MACROD2: variants seen among roughly 807,000 people sequenced by gnomAD.
The protein encoded by MACROD2 is ADP-ribose glycohydrolase MACROD2.
A neutral mutation model predicts 70.4 loss-of-function variants in MACROD2; 36 were observed. The observed-to-expected ratio is 0.51, with a 90% CI of 0.39 to 0.68. The LOEUF is 0.68. Ranked by LOEUF, MACROD2 falls within the 30% of genes least tolerant of loss-of-function variation. The pLI, the probability that MACROD2 is intolerant of heterozygous loss-of-function variation, is 0.00. For synonymous variants in MACROD2, 172 were observed against 178.8 expected, an observed-to-expected ratio of 0.96 and a Z score of 0.30; for missense variants, 496 against 538.4, an observed-to-expected ratio of 0.92 and a Z score of 0.78.
At chr20:15,019,176 C>T (rs894579769) in intron 5 of MACROD2, among the ~76,000 whole-genome samples, 3 of 152,014 alleles carry the variant, frequency 2.0e-5, no homozygotes, top group Admixed American at 6.5e-5. Flanking sequence ...CGCGCGCGCG[C>T]GCGGAGAGAG....
intron 5 of MACROD2, among the ~76,000 whole-genome samples, chr20:14,994,702 T>G (rs748864859): frequency 6.6e-6 from 1 of 152,234 alleles, no homozygotes; most frequent in Non-Finnish European, 1.5e-5. Flanking sequence ...CTCTCACTGA[T>G]CTATGTACTA....
chr20:15,264,927 G>C (rs757811040), intron 6 of MACROD2, among the ~76,000 whole-genome samples: 4 of 152,120 alleles, frequency 2.6e-5, no homozygotes, highest in African/African-American at 4.8e-5. Flanking sequence ...AGAGACCTTA[G>C]ATCTGAGGCT....
chr20:15,031,645 A>C (rs961558375), intron 5 of MACROD2, among the ~76,000 whole-genome samples: 3 of 152,094 alleles, frequency 2.0e-5, no homozygotes, highest in Non-Finnish European at 4.4e-5. Flanking sequence ...TGGATAGTTG[A>C]TTCCCGCAGC....
chr20:14,696,899 T>C (rs1434838144), intron 5 of MACROD2, among the ~76,000 whole-genome samples: 5 of 152,198 alleles, frequency 3.3e-5, no homozygotes, highest in Non-Finnish European at 5.9e-5. Flanking sequence ...GAGTTTGTTC[T>C]TGCTTTTATG....
intron 6 of MACROD2, among the ~76,000 whole-genome samples, chr20:15,417,598 C>CAAAAAAAAAAAAAAAAAAAAAAAA (rs71340225): frequency 1.4e-5 from 1 of 69,340 alleles, no homozygotes; most frequent in African/African-American, 5.1e-5. Flanking sequence ...AACCCTGTCT[C>CAAAAAAAAAAAAAAAAAAAAAAAA]AAAAAAAAAA....
intron 6 of MACROD2, among the ~76,000 whole-genome samples, chr20:15,430,666 G>C (rs1252463088): frequency 6.6e-6 from 1 of 151,758 alleles, no homozygotes; most frequent in Admixed American, 6.6e-5. Context: ...GTACTGTGCT[G>C]GTAAATGTTT....
rs140433008 is a variant in MACROD2 at position 14,326,868 on chromosome 20, A to G, written c.272-166611A>G. 11 of 1,613,750 alleles carry G rather than the reference A, an allele frequency of 6.8e-6. No homozygotes were observed. The African/African-American group carries it at 1.2e-4, about 18-fold the overall frequency. On this transcript the variant is annotated intron_variant, in intron 3 of 17. Transcript: ENST00000684519. The surrounding 1 kb of genome is among the most constrained non-coding windows in gnomAD (Gnocchi z 5.5). The stretch of plus-strand genomic sequence containing the variant: ...AGAAAACTTTGTCACCTAAACCATG[A>G]TTGTTCAACAGGTTTCCATCTAGAA...
chr20:14,693,689 G>A (rs750484591), intron 5 of MACROD2, among the ~76,000 whole-genome samples: 1 of 152,140 alleles, frequency 6.6e-6, no homozygotes, highest in Non-Finnish European at 1.5e-5. Context: ...TAGAATGTAA[G>A]ATTGATTCTG....
intron 3 of MACROD2, among the ~76,000 whole-genome samples, chr20:14,163,457 G>T (rs2055220532): frequency 6.6e-6 from 1 of 151,918 alleles, no homozygotes; most frequent in African/African-American, 2.4e-5. Flanking sequence ...ATCTGTTTGG[G>T]GATCTGTGCA....
intron 3 of MACROD2, among the ~76,000 whole-genome samples, chr20:14,294,797 A>G (rs1261483989): frequency 6.6e-6 from 1 of 151,828 alleles, no homozygotes; most frequent in Non-Finnish European, 1.5e-5. Flanking sequence ...AGTGAACCAT[A>G]TGTTTAGCAG....
intron 5 of MACROD2, among the ~76,000 whole-genome samples, chr20:14,818,482 C>G (rs1164432747): frequency 6.6e-6 from 1 of 151,912 alleles, no homozygotes; most frequent in Non-Finnish European, 1.5e-5. Context: ...TCTTGTTTTT[C>G]TATTCGGGGT....
At chr20:14,644,423 G>C (rs1286885236) in intron 4 of MACROD2, among the ~76,000 whole-genome samples, 1 of 152,126 alleles carries the variant, frequency 6.6e-6, no homozygotes, top group Non-Finnish European at 1.5e-5. Context: ...TTAAAAATTT[G>C]GATCCATCCT....
intron 4 of MACROD2, among the ~76,000 whole-genome samples, chr20:14,571,156 A>G (rs1465833146): frequency 6.6e-6 from 1 of 152,098 alleles, no homozygotes; most frequent in Non-Finnish European, 1.5e-5. Flanking sequence ...ACCTTGAGAA[A>G]GTCAGGCCTG....
At chr20:14,663,046 A>G (rs986921936) in intron 4 of MACROD2, among the ~76,000 whole-genome samples, 10 of 152,154 alleles carry the variant, frequency 6.6e-5, no homozygotes, top group African/African-American at 2.2e-4. Flanking sequence ...TGTTCATTAC[A>G]CTACTATTCA....
intron 5 of MACROD2, chr20:14,888,409 G>C (rs2073708396): frequency 6.6e-6 from 1 of 152,134 alleles, no homozygotes; most frequent in Admixed American, 6.6e-5. Flanking sequence ...TGCTGCTTCA[G>C]ATCCAGAAAG....
intron 5 of MACROD2, among the ~76,000 whole-genome samples, chr20:14,950,093 C>A (rs994579782): frequency 6.6e-6 from 1 of 152,122 alleles, no homozygotes; most frequent in Non-Finnish European, 1.5e-5. Context: ...CAGTAAGAGA[C>A]ATACTGGCTG....
intron 3 of MACROD2, among the ~76,000 whole-genome samples, chr20:14,412,028 T>C (rs1220402932): frequency 6.6e-6 from 1 of 152,202 alleles, no homozygotes; most frequent in African/African-American, 2.4e-5. Context: ...AAAAGTGTCA[T>C]TAATGTATTT....
chr20:14,654,321 T>C lies in MACROD2; in HGVS notation c.302-30522T>C, dbSNP rs373237418. On this transcript the variant is annotated intron_variant, in intron 4 of 17. Transcript: ENST00000684519. Reference sequence around the variant, plus strand: ...CAGCACTTTGGGAGGCTGAGGCGGATGGATCACCTGAGGTCAGGAGTTCAA... The same window carrying C: ...CAGCACTTTGGGAGGCTGAGGCGGACGGATCACCTGAGGTCAGGAGTTCAA... Among the ~76,000 whole-genome samples, 11 of 151,836 alleles carry C rather than the reference T, an allele frequency of 7.2e-5. No individual in the cohort carries two copies. In the East Asian group the frequency reaches 1.6e-3, roughly 22 times the overall value.
At chr20:14,735,367 A>G (rs2071650839) in intron 5 of MACROD2, among the ~76,000 whole-genome samples, 2 of 152,208 alleles carry the variant, frequency 1.3e-5, no homozygotes, top group Admixed American at 6.5e-5. Context: ...AATGGCCAAC[A>G]AGCACATGAA....
Sources: gnomAD v4.1 joint callset for allele counts (sites outside exome capture counted in the v4.1 genomes callset) on GRCh38, gnomAD v4.1.1 for gene constraint, Gnocchi (gnomAD v3.1) non-coding constraint, MANE v1.5 for transcripts, NCBI Gene and HGNC (gene_info 2026-07-23, HGNC 2026-07-21) for gene names.